Variants in CDH12 observed in about 807,000 individuals in gnomAD.
CDH12 encodes the protein cadherin 12.
A neutral mutation model predicts 74.1 loss-of-function variants in CDH12; 41 were observed. The observed-to-expected ratio is 0.55, with a 90% CI of 0.43 to 0.72. The LOEUF (loss-of-function observed/expected upper bound fraction) is 0.72. CDH12 is among the 30% of genes least tolerant of loss of function. CDH12 has a pLI of 0.00. For missense variants in CDH12, 945 were observed against 977.2 expected, an observed-to-expected ratio of 0.97 and a Z score of 0.44; for synonymous variants, 399 against 355.0, an observed-to-expected ratio of 1.12 and a Z score of -1.39.
At chr5:22,317,224 A>G (rs1412857972) in intron 3 of CDH12, among the ~76,000 whole-genome samples, 1 of 152,146 alleles carries the variant, frequency 6.6e-6, no homozygotes, top group African/African-American at 2.4e-5. Flanking sequence ...AGGCTGACAC[A>G]GGAGAATGGC....
intron 1 of CDH12, among the ~76,000 whole-genome samples, chr5:22,823,317 G>T (rs1413718640): frequency 6.6e-6 from 1 of 151,916 alleles, no homozygotes; most frequent in African/African-American, 2.4e-5. Flanking sequence ...GCACCAGCAT[G>T]GCACATGTAT....
At chr5:22,375,616 T>A (rs1201073003) in intron 3 of CDH12, among the ~76,000 whole-genome samples, 1 of 151,954 alleles carries the variant, frequency 6.6e-6, no homozygotes, top group Non-Finnish European at 1.5e-5. Flanking sequence ...ACACAAATAA[T>A]TCAAAAGTGG....
intron 1 of CDH12, among the ~76,000 whole-genome samples, chr5:22,805,292 T>C (rs1748724182): frequency 6.6e-6 from 1 of 152,192 alleles, no homozygotes; most frequent in Admixed American, 6.5e-5. Context: ...TTGAATGTTC[T>C]ATAGTTTCCT....
chr5:22,518,106 T>C (rs538885274), intron 1 of CDH12, among the ~76,000 whole-genome samples: 2 of 152,332 alleles, frequency 1.3e-5, no homozygotes, highest in South Asian at 4.1e-4. Context: ...ATTAAATCTG[T>C]ACTACACAAT....
At chr5:22,447,821 T>G (rs1744880427) in intron 2 of CDH12, among the ~76,000 whole-genome samples, 1 of 151,784 alleles carries the variant, frequency 6.6e-6, no homozygotes, top group Non-Finnish European at 1.5e-5. Flanking sequence ...CAGTTTACAA[T>G]GTAAGTAAAA....
chr5:22,577,286 G>T (rs924016377), intron 1 of CDH12, among the ~76,000 whole-genome samples: 1 of 152,176 alleles, frequency 6.6e-6, no homozygotes, highest in Non-Finnish European at 1.5e-5. Context: ...CACTAAGTTA[G>T]CTACCACTGA....
intron 10 of CDH12, among the ~76,000 whole-genome samples, chr5:21,792,996 C>T (rs1188284925): frequency 6.6e-6 from 1 of 151,740 alleles, no homozygotes; most frequent in African/African-American, 2.4e-5. Flanking sequence ...TATCTGATAT[C>T]TTCTGCTTAG....
chr5:22,153,347 C>T (rs1198715283), intron 4 of CDH12, among the ~76,000 whole-genome samples: 1 of 151,450 alleles, frequency 6.6e-6, no homozygotes, highest in Non-Finnish European at 1.5e-5. Context: ...TTTAAGACCC[C>T]CCTCCCATCC....
chr5:22,232,872 T>C (rs1250867574), intron 3 of CDH12, among the ~76,000 whole-genome samples: 1 of 145,104 alleles, frequency 6.9e-6, no homozygotes, highest in East Asian at 1.9e-4. Context: ...TTTATATATA[T>C]ATTTTTTCTT....
intron 5 of CDH12, among the ~76,000 whole-genome samples, chr5:22,000,003 A>G (rs548090271): frequency 4.1e-4 from 63 of 152,006 alleles, no homozygotes; most frequent in Non-Finnish European, 8.2e-4. Context: ...CCTTCCACCC[A>G]TTTGTGTCTA....
chr5:22,847,996 G>A (rs1313554947), intron 1 of CDH12, among the ~76,000 whole-genome samples: 1 of 151,962 alleles, frequency 6.6e-6, no homozygotes, highest in South Asian at 2.1e-4. Context: ...TGATTCTCCT[G>A]CCTCAGCCTC....
At chr5:22,319,420 A>G (rs1335948307) in intron 3 of CDH12, among the ~76,000 whole-genome samples, 2 of 152,204 alleles carry the variant, frequency 1.3e-5, no homozygotes, top group African/African-American at 4.8e-5. Flanking sequence ...AAGGCAACGC[A>G]GTTTACACAG....
intron 3 of CDH12, among the ~76,000 whole-genome samples, chr5:22,357,281 G>T (rs1228797136): frequency 6.6e-6 from 1 of 152,028 alleles, no homozygotes; most frequent in African/African-American, 2.4e-5. Context: ...AATTATTTCT[G>T]ATTTCTAGTG....
chr5:22,545,248 C>T (rs747914177), intron 1 of CDH12, among the ~76,000 whole-genome samples: 3 of 152,222 alleles, frequency 2.0e-5, no homozygotes, highest in South Asian at 4.1e-4. Context: ...ATGGTGGGGG[C>T]CACACTGCCT....
intron 1 of CDH12, among the ~76,000 whole-genome samples, chr5:22,581,559 G>C (rs986577129): frequency 1.3e-5 from 2 of 152,222 alleles, no homozygotes; most frequent in African/African-American, 4.8e-5. Context: ...CTTGAGGCTT[G>C]CTAGGGCAAT....
In CDH12 at chr5:22,112,019, C is replaced by T. The variant is rs537033451; in HGVS notation, c.-186-33157G>A. The stretch of plus-strand genomic sequence containing the variant: ...TCAAGTAATTCCCTATAACATTATA[C>T]AATAAAATATGAATGTATTTAGAAA... On this transcript the variant is annotated intron_variant, in intron 4 of 14. Transcript: ENST00000382254. 2.2e-3 allele frequency among the ~76,000 whole-genome samples: 333 copies of T among 151,896 alleles called. 1 individual carries two copies. The highest frequency in any genetic ancestry group is 7.8e-3 in the African/African-American group (323 of 41,436).
At chr5:22,423,927 T>C (rs2966951) in intron 2 of CDH12, among the ~76,000 whole-genome samples, 25,093 of 135,970 alleles carry the variant, frequency 0.18, 2,174 homozygotes, top group Middle Eastern at 0.31. Context: ...GGCGTGAACC[T>C]GGGAGGCGGA....
In CDH12 at chr5:22,641,734, T is replaced by G. The variant is rs149193052; in HGVS notation, c.-522-136370A>C. Among the ~76,000 whole-genome samples the G allele has an allele frequency of 6.2e-4, 95 of 152,334 alleles. No individual in the cohort carries two copies. The East Asian group carries it at 8.9e-3, about 14-fold the overall frequency. On this transcript the variant is annotated intron_variant, in intron 1 of 14. Coordinates refer to ENST00000382254, the MANE Select transcript of CDH12 (RefSeq NM_004061.5). Reference sequence around the variant, plus strand: ...GGCCAACTCTTTCTTGCTATTCAAATATCAATGAGTGGCTTATACTAAAAA... The same window carrying G: ...GGCCAACTCTTTCTTGCTATTCAAAGATCAATGAGTGGCTTATACTAAAAA...
At chr5:22,424,415 C>G (rs373360164) in intron 2 of CDH12, among the ~76,000 whole-genome samples, 3 of 152,118 alleles carry the variant, frequency 2.0e-5, no homozygotes, top group African/African-American at 7.2e-5. Flanking sequence ...GCTATATGGC[C>G]CAGTTACCCC....
Sources: allele counts gnomAD v4.1 joint callset (sites outside exome capture counted in the v4.1 genomes callset), GRCh38; gene constraint gnomAD v4.1.1; transcripts MANE v1.5; gene names NCBI Gene and HGNC (gene_info 2026-07-23, HGNC 2026-07-21).